STARD3: variants seen among roughly 807,000 people sequenced by gnomAD.
The protein encoded by STARD3 is StAR related lipid transfer domain containing 3, also known as stAR-related lipid transfer protein 3.
In STARD3, 39 loss-of-function variants were observed where a neutral mutation model predicts 62.0. The observed-to-expected ratio is 0.63, with a 90% confidence interval of 0.49 to 0.82. STARD3 has a LOEUF of 0.82. Ranked by LOEUF, STARD3 falls within the 40% of genes least tolerant of loss-of-function variation. STARD3 has a pLI of 0.00. For missense variants in STARD3, 543 were observed against 584.5 expected (o/e 0.93, Z 0.73); for synonymous variants, 229 against 242.4 (o/e 0.94, Z 0.51).
chr17:39,642,223 C>T (rs569846334), intron 1 of STARD3, among the ~76,000 whole-genome samples: 1 of 152,346 alleles, frequency 6.6e-6, no homozygotes, highest in South Asian at 2.1e-4. Context: ...GGAGTCCTCC[C>T]TCCTCCTTAA....
chr17:39,639,551 C>T (rs1237367597), intron 1 of STARD3, among the ~76,000 whole-genome samples: 7 of 152,322 alleles, frequency 4.6e-5, no homozygotes, highest in Middle Eastern at 6.8e-3. Flanking sequence ...GTCCTCTGAA[C>T]AGAGCTCCAG....
rs938497610 is a variant in STARD3, at chr17:39,662,581, T to C, written c.1234-223T>C. The C allele has an allele frequency of 7.9e-6, 5 of 629,246 alleles. No homozygotes were observed. The Admixed American group carries it at 1.5e-4, about 19-fold the overall frequency. The allele number at this position is 629,246 out of a possible 1,614,324, so 39.0% of individuals were successfully genotyped here. On this transcript the variant is annotated intron_variant, in intron 14 of 14. Coordinates refer to ENST00000336308, the MANE Select transcript of STARD3 (RefSeq NM_006804.4). ...TCCTGAGGCCCTGAGGAAGGGTGGC[T>C]GGTGGCCAGCCCGGCCCCACCCTGG...
intron 1 of STARD3, among the ~76,000 whole-genome samples, chr17:39,651,227 G>A (rs961071793): frequency 3.3e-5 from 5 of 152,190 alleles, no homozygotes; most frequent in East Asian, 3.8e-4. Context: ...TCCTGTTTGT[G>A]GGGGCTTGCA....
chr17:39,653,191 AG>A (rs1327350405), intron 1 of STARD3: 1 of 383,264 alleles, frequency 2.6e-6, no homozygotes, highest in African/African-American at 2.0e-5. Flanking sequence ...GGGATCCAGG[AG>A]GGGGTAGGTG....
chr17:39,662,769 G>A (rs772303466), intron 14 of STARD3, 35 bp from the exon 15 acceptor site: 1 of 1,577,320 alleles, frequency 6.3e-7, no homozygotes, highest in Non-Finnish European at 8.6e-7. Context: ...CTGAGGGCAG[G>A]CCATCAAGTG....
Position 39,645,001 on chromosome 17 carries a change from C to G in STARD3, c.-52+7770C>G, listed in dbSNP as rs180889684. Among the ~76,000 whole-genome samples, 32 of 152,322 alleles carry G rather than the reference C, an allele frequency of 2.1e-4. No individual in the cohort carries two copies. In the Middle Eastern group the frequency reaches 0.01, roughly 49 times the overall value. Reference sequence around the variant, plus strand: ...TATGACGAAGGGCTAGCAAGGAACCCTGTCTGTGGCTCTGCAGCCTGAGAT... The same window carrying G: ...TATGACGAAGGGCTAGCAAGGAACCGTGTCTGTGGCTCTGCAGCCTGAGAT... On this transcript the variant is annotated intron_variant, in intron 1 of 14. Coordinates refer to ENST00000336308, the MANE Select transcript of STARD3 (RefSeq NM_006804.4).
In STARD3 at chr17:39,653,630, C is replaced by T; in HGVS notation, c.99C>T (p.Ser33=). Residue 33 remains serine (S), a synonymous_variant, in exon 2 of 15, where the codon TCC becomes TCT. Transcript: ENST00000336308. ...CACTGTCCCACAGCCAGAGCCTCTC[C>T]TCGCACCTCCTTCCGCCGCCTGAGA... ...GSSLSHSQSL[S]SHLLPPPEKR... 6.2e-7 allele frequency: 1 copy of T among 1,613,816 alleles called. No individual in the cohort carries two copies.
intron 9 of STARD3, 64 bp downstream of exon 9, chr17:39,659,617 G>A (rs1056003796): frequency 7.1e-6 from 11 of 1,553,522 alleles, no homozygotes; most frequent in African/African-American, 1.4e-5. Flanking sequence ...TCTTTTCTGA[G>A]GCCTGAGGAA....
chr17:39,660,595 A>G lies in STARD3; in HGVS notation c.954+69A>G. 2 of 1,523,456 alleles carry G rather than the reference A, an allele frequency of 1.3e-6. No homozygotes were observed. Among genetic ancestry groups the G allele is most frequent in the Non-Finnish European group, 1.8e-6 (2 of 1,099,578 alleles). 94.4% of individuals were successfully genotyped at this position (1,523,456 alleles called of 1,614,324 possible). A position where few individuals can be genotyped will look rare whatever the true frequency, so the allele number is the denominator to read the frequency against. On this transcript the variant is annotated intron_variant, in intron 11 of 14. Coordinates refer to ENST00000336308, the MANE Select transcript of STARD3 (RefSeq NM_006804.4). The surrounding 1 kb of genome is among the most constrained non-coding windows in gnomAD (Gnocchi z 4.8). Reference sequence around the variant, plus strand: ...AGCCACGCCTCAGTGGGATCACTGAAGCACTCAGCGCCTCAGCTGCCCCAT... The same window carrying G: ...AGCCACGCCTCAGTGGGATCACTGAGGCACTCAGCGCCTCAGCTGCCCCAT...
intron 1 of STARD3, among the ~76,000 whole-genome samples, chr17:39,642,638 A>G (rs2056991641): frequency 6.6e-6 from 1 of 152,158 alleles, no homozygotes; most frequent in African/African-American, 2.4e-5. Context: ...TGCCAGTGGG[A>G]GACGATGGGC....
At chr17:39,658,962 C>T (rs1467203371) in intron 7 of STARD3, 89 bp from the exon 8 acceptor site, 1 of 1,572,738 alleles carries the variant, frequency 6.4e-7, no homozygotes, top group South Asian at 1.1e-5. Context: ...TTATCCCCCA[C>T]ATCCTTGCAC....
At chr17:39,659,743 C>T in intron 9 of STARD3, 190 bp downstream of exon 9, 2 of 594,748 alleles carry the variant, frequency 3.4e-6, no homozygotes, top group Admixed American at 3.0e-5. Context: ...CCCCTTGGCC[C>T]CCCTTCCCCG....
At chr17:39,661,107 G>T in intron 13 of STARD3, 22 bp downstream of exon 13, 1 of 1,608,424 alleles carries the variant, frequency 6.2e-7, no homozygotes, top group Middle Eastern at 1.8e-4. Flanking sequence ...TTTGCCTGGG[G>T]TCACCCCTGC....
rs1438096573 is a variant in STARD3, at chr17:39,637,224, T to G, written c.-59T>G. 2.0e-5 allele frequency: 3 copies of G among 152,222 alleles called. No individual in the cohort carries two copies. The highest frequency in any genetic ancestry group is 4.8e-5 in the African/African-American group (2 of 41,438). 9.4% of individuals were successfully genotyped at this position (152,222 alleles called of 1,614,324 possible). A position where few individuals can be genotyped will look rare whatever the true frequency, so the allele number is the denominator to read the frequency against. ...GGAAGAGCCGGGGCCGTGGCTGACA[T>G]GGAGCAGGTGGGTCCCGGAGCGGTC... On this transcript the variant is annotated 5_prime_UTR_variant, in exon 1 of 15. An upstream start codon of the reference 5' UTR is lost. Coordinates refer to ENST00000336308, the MANE Select transcript of STARD3 (RefSeq NM_006804.4).
Position 39,658,498 on chromosome 17 carries a change from C to T in STARD3, c.523C>T (p.Pro175Ser). Residue 175 changes from proline to serine, a missense_variant, in exon 6 of 15, where the codon CCC (proline) becomes TCC (serine). Transcript: ENST00000336308. ...ETWFLDFKVLPQEAEEERWYL... is the reference protein window; with the variant it reads ...ETWFLDFKVLSQEAEEERWYL... The stretch of plus-strand genomic sequence containing the variant: ...CTGGTTCCTTGACTTCAAAGTCCTA[C>T]CCCAGGAAGCTGAAGAGGAGCGATG... 6.2e-7 allele frequency: 1 copy of T among 1,614,052 alleles called. No homozygotes were observed. Among genetic ancestry groups the T allele is most frequent in the Non-Finnish European group, 8.5e-7 (1 of 1,179,950 alleles).
In STARD3 at chr17:39,662,904, C is replaced by A; in HGVS notation, c.1334C>A (p.Ala445Glu). 1 of 1,610,180 alleles carries A rather than the reference C, an allele frequency of 6.2e-7. No homozygotes were observed. Among genetic ancestry groups the A allele is most frequent in the Non-Finnish European group, 8.5e-7 (1 of 1,178,612 alleles). ...RQRISELGAR[A>E] ...CGCATCAGCGAGCTGGGGGCCCGGG[C>A]GTGACTGTGCCCCCTCCCACCCTGC... The change falls in exon 15 of 15, where the codon GCG (alanine) becomes GAG (glutamate). Residue 445 changes from alanine to glutamate, a missense_variant. Physicochemically the swap from Ala to Glu is moderately radical, Grantham distance 107 (BLOSUM62 -1). Coordinates refer to ENST00000336308, the MANE Select transcript of STARD3 (RefSeq NM_006804.4).
intron 3 of STARD3, 113 bp from the exon 4 acceptor site, chr17:39,657,662 G>C (rs2057144292): frequency 1.9e-6 from 2 of 1,080,114 alleles, no homozygotes; most frequent in South Asian, 2.6e-5. Context: ...GTCCCCTGAG[G>C]TGTGCATGCC....
At chr17:39,638,907 AG>A (rs1174346706) in intron 1 of STARD3, among the ~76,000 whole-genome samples, 3 of 152,210 alleles carry the variant, frequency 2.0e-5, no homozygotes, top group Non-Finnish European at 4.4e-5. Context: ...TTGGGAGGCA[AG>A]GCAGGATGAT....
At chr17:39,657,656 C>G (rs2145013311) in intron 3 of STARD3, 119 bp from the exon 4 acceptor site, 1 of 1,028,512 alleles carries the variant, frequency 9.7e-7, no homozygotes, top group South Asian at 1.4e-5. Context: ...GTCGTTGTCC[C>G]CTGAGGTGTG....
Sources: allele counts gnomAD v4.1 joint callset (sites outside exome capture counted in the v4.1 genomes callset), GRCh38; gene constraint gnomAD v4.1.1; non-coding constraint Gnocchi (gnomAD v3.1); transcripts MANE v1.5; gene names NCBI Gene and HGNC (gene_info 2026-07-23, HGNC 2026-07-21).